The following LRRC7 variants were observed in gnomAD, a reference collection of about 807,000 sequenced individuals.
LRRC7 encodes the protein leucine-rich repeat-containing protein 7.
Under a neutral mutation model 175.7 loss-of-function variants are expected in LRRC7, and 23 were observed. The ratio of observed to expected loss-of-function variants is 0.13; its 90% CI spans 0.09 to 0.19. The LOEUF is 0.19. LRRC7 is among the 10% of genes least tolerant of loss of function. The pLI is 1.00. For missense variants in LRRC7, 1,354 were observed against 1,904.7 expected, an observed-to-expected ratio of 0.71 and a Z score of 5.38; for synonymous variants, 685 against 680.9, an observed-to-expected ratio of 1.01 and a Z score of -0.09.
At chr1:69,577,879 A>G (rs1459377951) in intron 1 of LRRC7, among the ~76,000 whole-genome samples, 1 of 152,086 alleles carries the variant, frequency 6.6e-6, no homozygotes, top group Non-Finnish European at 1.5e-5. Context: ...TTTTGGTTCC[A>G]TATGAACTTT....
intron 7 of LRRC7, among the ~76,000 whole-genome samples, chr1:69,849,492 T>C (rs1266915249): frequency 6.6e-6 from 1 of 152,040 alleles, no homozygotes; most frequent in Non-Finnish European, 1.5e-5. Flanking sequence ...TTAAAGAGCA[T>C]CTTTTAAATT....
At chr1:69,582,416 A>C (rs1002208355) in intron 1 of LRRC7, among the ~76,000 whole-genome samples, 4 of 151,932 alleles carry the variant, frequency 2.6e-5, no homozygotes, top group African/African-American at 9.7e-5. Context: ...CTGAGGGAGC[A>C]GCCTTCATCT....
chr1:69,908,048 T>C (rs989985146), intron 7 of LRRC7, among the ~76,000 whole-genome samples: 2 of 152,238 alleles, frequency 1.3e-5, no homozygotes, highest in African/African-American at 2.4e-5. Flanking sequence ...TTTATTTGCA[T>C]GGAGGTGTTT....
Position 69,801,546 on chromosome 1 carries a change from G to A in LRRC7, c.421+9386G>A, listed in dbSNP as rs149282327. Among the ~76,000 whole-genome samples, 162 of 151,658 alleles carry A rather than the reference G, an allele frequency of 1.1e-3. 1 individual carries two copies. In the Middle Eastern group the frequency reaches 0.02, roughly 19 times the overall value. ...CTCTGATTATCTTTTGTATTTCCGTGGCATCAGTTATCATGTCTCCTTTTT... is the reference window on the plus strand; with the variant it reads ...CTCTGATTATCTTTTGTATTTCCGTAGCATCAGTTATCATGTCTCCTTTTT... On this transcript the variant is annotated intron_variant, in intron 4 of 26. Transcript: ENST00000651989.
intron 4 of LRRC7, among the ~76,000 whole-genome samples, chr1:69,813,286 G>A (rs1277235230): frequency 6.6e-6 from 1 of 151,992 alleles, no homozygotes; most frequent in East Asian, 1.9e-4. Context: ...TACAACCCTG[G>A]CTGAATTCAA....
At chr1:69,585,941 C>T (rs951724256) in intron 1 of LRRC7, among the ~76,000 whole-genome samples, 5 of 152,002 alleles carry the variant, frequency 3.3e-5, no homozygotes, top group Admixed American at 6.6e-5. Context: ...ATGTCATAGA[C>T]GAAATCAGCT....
intron 8 of LRRC7, among the ~76,000 whole-genome samples, chr1:69,973,709 C>A (rs994796275): frequency 2.6e-5 from 4 of 152,146 alleles, no homozygotes; most frequent in Non-Finnish European, 5.9e-5. Flanking sequence ...CCTCAGCCTC[C>A]CCAGTAGCTG....
At chr1:69,992,857 G>A (rs982782628) in intron 10 of LRRC7, among the ~76,000 whole-genome samples, 1 of 152,116 alleles carries the variant, frequency 6.6e-6, no homozygotes, top group Non-Finnish European at 1.5e-5. Flanking sequence ...CTTCAGAGCT[G>A]GAGACTATGA....
At chr1:69,910,797 G>T (rs540454590) in intron 7 of LRRC7, among the ~76,000 whole-genome samples, 1 of 152,212 alleles carries the variant, frequency 6.6e-6, no homozygotes, top group Non-Finnish European at 1.5e-5. Context: ...CCTGCCCCCA[G>T]AGGTGGAGCC....
At position 70,142,462 on chromosome 1, in the gene LRRC7, T is replaced by TAAAC. The variant is rs1362659226; in HGVS notation, c.*20577_*20580dup. The stretch of plus-strand genomic sequence containing the variant: ...AATGAAGAGAAAGGTAATTGACAGA[T>TAAAC]AAACAGATAGTTTTTGTTTGAAGAG... On this transcript the variant is annotated 3_prime_UTR_variant, in exon 27 of 27. Coordinates refer to ENST00000651989, the MANE Select transcript of LRRC7 (RefSeq NM_001370785.2). The TAAAC allele has an allele frequency of 6.6e-6, 1 of 152,090 alleles. No individual in the cohort carries two copies. The highest frequency in any genetic ancestry group is 1.5e-5 in the Non-Finnish European group (1 of 67,966). 9.4% of individuals were successfully genotyped at this position (152,090 alleles called of 1,614,324 possible).
At chr1:69,693,429 G>A (rs1338715624) in intron 2 of LRRC7, among the ~76,000 whole-genome samples, 2 of 152,198 alleles carry the variant, frequency 1.3e-5, no homozygotes, top group African/African-American at 4.8e-5. Flanking sequence ...TTTGGAGACA[G>A]GCAAGTCCAA....
intron 3 of LRRC7, among the ~76,000 whole-genome samples, chr1:69,764,742 T>TAGAC (rs1557697989): frequency 6.9e-6 from 1 of 144,836 alleles, no homozygotes; most frequent in South Asian, 2.2e-4. Flanking sequence ...GATAGATAGA[T>TAGAC]AGATAGATAG....
At chr1:69,671,786 A>G (rs1407940797) in intron 1 of LRRC7, among the ~76,000 whole-genome samples, 1 of 152,118 alleles carries the variant, frequency 6.6e-6, no homozygotes, top group African/African-American at 2.4e-5. Flanking sequence ...TGACAGGGGC[A>G]GCATTGAGTT....
chr1:69,991,191 CATT>C (rs1654405609), intron 10 of LRRC7, among the ~76,000 whole-genome samples: 2 of 150,454 alleles, frequency 1.3e-5, no homozygotes, highest in African/African-American at 4.9e-5. Context: ...GAAAATGAAG[CATT>C]ATTATTAACA....
At chr1:69,953,200 G>A (rs547967365) in intron 8 of LRRC7, among the ~76,000 whole-genome samples, 1 of 151,698 alleles carries the variant, frequency 6.6e-6, no homozygotes, top group Non-Finnish European at 1.5e-5. Context: ...GCTGTCCTTC[G>A]TATGTGCAGC....
At chr1:69,922,644 A>T (rs1646926408) in intron 7 of LRRC7, among the ~76,000 whole-genome samples, 1 of 152,196 alleles carries the variant, frequency 6.6e-6, no homozygotes. Flanking sequence ...AAGAAAGAGC[A>T]TTGGCAAAAG....
At chr1:69,941,397 C>T (rs1016588868) in intron 8 of LRRC7, among the ~76,000 whole-genome samples, 1 of 151,840 alleles carries the variant, frequency 6.6e-6, no homozygotes, top group African/African-American at 2.4e-5. Context: ...TGAGAATAGA[C>T]GGGTCAGGCA....
At chr1:69,809,406 C>G (rs1208377463) in intron 4 of LRRC7, among the ~76,000 whole-genome samples, 1 of 152,252 alleles carries the variant, frequency 6.6e-6, no homozygotes, top group South Asian at 2.1e-4. Flanking sequence ...ATGGGGGATT[C>G]CTCCCTAACT....
intron 1 of LRRC7, among the ~76,000 whole-genome samples, chr1:69,650,437 G>T (rs2100479860): frequency 6.6e-6 from 1 of 151,202 alleles, no homozygotes; most frequent in South Asian, 2.1e-4. Flanking sequence ...CTACTCAGGA[G>T]ACTGAGGCTG....
Sources: gnomAD v4.1 joint callset for allele counts (sites outside exome capture counted in the v4.1 genomes callset) on GRCh38, gnomAD v4.1.1 for gene constraint, MANE v1.5 for transcripts, NCBI Gene and HGNC (gene_info 2026-07-23, HGNC 2026-07-21) for gene names.